The following ZNF710 variants were observed in gnomAD, a reference collection of about 807,000 sequenced individuals.
ZNF710 encodes zinc finger protein 710.
ZNF710 carries 13 observed loss-of-function variants against 50.6 expected under a neutral mutation model. The observed-to-expected ratio is 0.26, with a 90% confidence interval of 0.17 to 0.41. ZNF710 has a LOEUF of 0.41. Ranked by LOEUF, ZNF710 falls within the 10% of genes least tolerant of loss-of-function variation. The pLI, the probability that ZNF710 is intolerant of heterozygous loss-of-function variation, is 1.00. For missense variants in ZNF710, 721 were observed against 936.6 expected, an observed-to-expected ratio of 0.77 and a Z score of 3.01; for synonymous variants, 383 against 397.0, an observed-to-expected ratio of 0.96 and a Z score of 0.42.
At chr15:90,052,409 T>C (rs754053239) in intron 1 of ZNF710, among the ~76,000 whole-genome samples, 21 of 152,098 alleles carry the variant, frequency 1.4e-4, no homozygotes, top group African/African-American at 1.4e-4. Flanking sequence ...TTCTGATCAC[T>C]CGAGATTAAA....
At chr15:90,060,670 A>G (rs1165301995) in intron 1 of ZNF710, among the ~76,000 whole-genome samples, 2 of 152,120 alleles carry the variant, frequency 1.3e-5, no homozygotes, top group African/African-American at 4.8e-5. Context: ...CCTGGCCAAC[A>G]TGGTGAACAC....
chr15:90,016,942 C>G (rs926868429), intron 1 of ZNF710, among the ~76,000 whole-genome samples: 45 of 152,370 alleles, frequency 3.0e-4, no homozygotes, highest in African/African-American at 1.0e-3. Flanking sequence ...CGGATTGGCT[C>G]TGCAGTCCTG....
intron 1 of ZNF710, among the ~76,000 whole-genome samples, chr15:90,051,084 C>T (rs545900092): frequency 1.8e-4 from 28 of 151,632 alleles, no homozygotes; most frequent in Admixed American, 1.6e-3. Flanking sequence ...ACTAAAAATA[C>T]AAAAATTAGC....
intron 1 of ZNF710, among the ~76,000 whole-genome samples, 174 bp downstream of exon 1, chr15:90,001,788 TGTC>T (rs1358865377): frequency 1.4e-5 from 2 of 143,656 alleles, no homozygotes; most frequent in Non-Finnish European, 3.1e-5. Flanking sequence ...GCTGCAAACA[TGTC>T]GTCTTTTCCT....
At chr15:90,038,984 A>T (rs1951396397) in intron 1 of ZNF710, among the ~76,000 whole-genome samples, 2 of 152,184 alleles carry the variant, frequency 1.3e-5, no homozygotes, top group African/African-American at 4.8e-5. Context: ...CATGTTATGT[A>T]TAAAATGCTT....
At chr15:90,018,297 T>A (rs1273414813) in intron 1 of ZNF710, among the ~76,000 whole-genome samples, 4 of 151,906 alleles carry the variant, frequency 2.6e-5, no homozygotes, top group African/African-American at 9.7e-5. Context: ...GCTTCCTGAA[T>A]AGCTGGGATC....
At position 90,068,500 on chromosome 15, in the gene ZNF710, C is replaced by T; in HGVS notation, c.1363C>T (p.Leu455Phe). 1 of 1,613,956 alleles carries T rather than the reference C, an allele frequency of 6.2e-7. No individual in the cohort carries two copies. Among genetic ancestry groups the T allele is most frequent in the Non-Finnish European group, 8.5e-7 (1 of 1,180,056 alleles). ...HYRSQLQNHM[L>F]KHQNVRPFVC... ...CCGCAGCCAGTTGCAGAACCACATG[C>T]TCAAGCACCAGAACGTGCGACCCTT... Residue 455 changes from leucine (L) to phenylalanine (F), a missense_variant, in exon 2 of 5, where the codon CTC becomes TTC. Physicochemically the swap from Leu to Phe is conservative, Grantham distance 22. Coordinates refer to ENST00000268154, the MANE Select transcript of ZNF710 (RefSeq NM_198526.4). The surrounding 1 kb of genome is among the most constrained non-coding windows in gnomAD (Gnocchi z 5.0).
chr15:90,067,733 T>A lies in ZNF710; in HGVS notation c.596T>A (p.Phe199Tyr), dbSNP rs758178862. The A allele has an allele frequency of 6.2e-7, 1 of 1,602,348 alleles. No individual in the cohort carries two copies. Among genetic ancestry groups the A allele is most frequent in the East Asian group, 2.2e-5 (1 of 44,690 alleles). Residue 199 changes from phenylalanine (F) to tyrosine (Y), a missense_variant, in exon 2 of 5, where the codon TTC becomes TAC. Coordinates refer to ENST00000268154, the MANE Select transcript of ZNF710 (RefSeq NM_198526.4). The surrounding 1 kb of genome is among the most constrained non-coding windows in gnomAD (Gnocchi z 8.1). ...TTCCCGGCCCCGGCCCGGGATGGCT[T>A]CCCCGAGCCCAGCATGGCGCTGCCT... The part of the protein sequence containing the change: ...PHFPAPARDG[F>Y]PEPSMALPGP...
intron 1 of ZNF710, among the ~76,000 whole-genome samples, chr15:90,065,895 C>A (rs970377011): frequency 1.3e-5 from 2 of 152,064 alleles, no homozygotes; most frequent in Non-Finnish European, 2.9e-5. Flanking sequence ...GAGCAAGACC[C>A]CATCTCTAAT....
intron 1 of ZNF710, among the ~76,000 whole-genome samples, chr15:90,028,890 C>T (rs140697190): frequency 7.3e-4 from 111 of 152,256 alleles, no homozygotes; most frequent in Non-Finnish European, 1.3e-3. Flanking sequence ...ACACTGTGAT[C>T]AAAACCATGT....
chr15:90,065,354 G>A (rs750852139), intron 1 of ZNF710, among the ~76,000 whole-genome samples: 4 of 152,222 alleles, frequency 2.6e-5, no homozygotes, highest in African/African-American at 7.2e-5. Flanking sequence ...CAAAGCAGGC[G>A]AGAGTCGCCC....
At chr15:90,028,550 A>C (rs773410160) in intron 1 of ZNF710, among the ~76,000 whole-genome samples, 1 of 152,218 alleles carries the variant, frequency 6.6e-6, no homozygotes, top group Non-Finnish European at 1.5e-5. Flanking sequence ...TGCCCATATT[A>C]CAGGAAGTTG....
chr15:90,060,657 C>T (rs776894837), intron 1 of ZNF710, among the ~76,000 whole-genome samples: 6 of 152,114 alleles, frequency 3.9e-5, no homozygotes, highest in Non-Finnish European at 8.8e-5. Flanking sequence ...AGTTCGAGAC[C>T]AGCCTGGCCA....
intron 1 of ZNF710, among the ~76,000 whole-genome samples, chr15:90,021,305 T>A (rs1898614873): frequency 6.6e-6 from 1 of 152,152 alleles, no homozygotes; most frequent in Admixed American, 6.5e-5. Context: ...GACTCAGGAT[T>A]AGAGGACCTA....
Position 90,068,722 on chromosome 15 carries a change from G to A in ZNF710, c.1458+127G>A, listed in dbSNP as rs1325626542. On this transcript the variant is annotated intron_variant, in intron 2 of 4. Coordinates refer to ENST00000268154, the MANE Select transcript of ZNF710 (RefSeq NM_198526.4). This position sits in a 1 kb window ranked among gnomAD's most constrained non-coding sequence, Gnocchi z 5.0. Reference sequence around the variant, plus strand: ...AGTTTTATCGTTACGTACTTATTTTGATGAGTATTAGAAATCAATTAGTAT... The same window carrying A: ...AGTTTTATCGTTACGTACTTATTTTAATGAGTATTAGAAATCAATTAGTAT... The A allele has an allele frequency of 9.3e-6, 10 of 1,075,758 alleles. No individual in the cohort carries two copies. The highest frequency in any genetic ancestry group is 1.3e-5 in the Non-Finnish European group (10 of 757,468). 66.6% of individuals were successfully genotyped at this position (1,075,758 alleles called of 1,614,324 possible).
chr15:90,047,197 G>T (rs1175406954), intron 1 of ZNF710, among the ~76,000 whole-genome samples: 1 of 152,212 alleles, frequency 6.6e-6, no homozygotes. Context: ...GCACCTAGCA[G>T]TCGATTCTCC....
chr15:90,032,106 C>G (rs558705922), intron 1 of ZNF710, among the ~76,000 whole-genome samples: 1 of 152,328 alleles, frequency 6.6e-6, no homozygotes, highest in African/African-American at 2.4e-5. Flanking sequence ...AAGCAATTCT[C>G]TTGCCCTCAG....
Position 90,068,095 on chromosome 15 carries a change from A to G in ZNF710, c.958A>G (p.Ile320Val), listed in dbSNP as rs775590598. The G allele has an allele frequency of 1.9e-6, 3 of 1,614,138 alleles. No homozygotes were observed. Among genetic ancestry groups the G allele is most frequent in the Non-Finnish European group, 2.5e-6 (3 of 1,180,050 alleles). Reference protein sequence around the residue: ...LVTHILGHNGIKPHSCPHCSK... With the variant: ...LVTHILGHNGVKPHSCPHCSK... ...GACGCACATCCTGGGCCACAACGGC[A>G]TCAAGCCACACTCGTGCCCACACTG... Residue 320 changes from isoleucine (I) to valine (V), a missense_variant, in exon 2 of 5, where the codon ATC becomes GTC. By Grantham distance (29) the Ile-to-Val change is conservative. Transcript: ENST00000268154. This position sits in a 1 kb window ranked among gnomAD's most constrained non-coding sequence, Gnocchi z 5.0.
At chr15:90,066,003 C>G (rs1900158893) in intron 1 of ZNF710, among the ~76,000 whole-genome samples, 1 of 152,210 alleles carries the variant, frequency 6.6e-6, no homozygotes, top group South Asian at 2.1e-4. Context: ...AACATGTTAG[C>G]TGTCAAGGAG....
Sources: allele counts gnomAD v4.1 joint callset (sites outside exome capture counted in the v4.1 genomes callset), GRCh38; gene constraint gnomAD v4.1.1; non-coding constraint Gnocchi (gnomAD v3.1); transcripts MANE v1.5; gene names NCBI Gene and HGNC (gene_info 2026-07-23, HGNC 2026-07-21).